ZNF827: variants seen among roughly 807,000 people sequenced by gnomAD.
ZNF827 encodes zinc finger protein 827.
A neutral mutation model predicts 102.4 loss-of-function variants in ZNF827; 13 were observed. The observed-to-expected ratio is 0.13, with a 90% CI of 0.08 to 0.20. The LOEUF is 0.20. Ranked by LOEUF, ZNF827 falls within the 10% of genes least tolerant of loss-of-function variation. The pLI is 1.00. For synonymous variants in ZNF827, 523 were observed against 536.2 expected (o/e 0.98, Z 0.34); for missense variants, 1,103 against 1,344.4 (o/e 0.82, Z 2.81).
At chr4:145,830,234 A>G (rs945731076) in intron 7 of ZNF827, among the ~76,000 whole-genome samples, 4 of 152,164 alleles carry the variant, frequency 2.6e-5, no homozygotes, top group African/African-American at 9.7e-5. Context: ...GAGCTTGCTA[A>G]TAATAACAGA....
intron 8 of ZNF827, among the ~76,000 whole-genome samples, chr4:145,792,927 G>GA (rs1005205831): frequency 6.6e-6 from 1 of 152,080 alleles, no homozygotes; most frequent in African/African-American, 2.4e-5. Flanking sequence ...CTCTTGCGTG[G>GA]AAATGCAATA....
intron 8 of ZNF827, among the ~76,000 whole-genome samples, chr4:145,815,306 G>A (rs1742492929): frequency 6.6e-6 from 1 of 152,210 alleles, no homozygotes; most frequent in Non-Finnish European, 1.5e-5. Flanking sequence ...TGCATTTCTA[G>A]TGAACATCTT....
intron 5 of ZNF827, among the ~76,000 whole-genome samples, chr4:145,852,052 G>C (rs1746586773): frequency 6.6e-6 from 1 of 152,196 alleles, no homozygotes; most frequent in South Asian, 2.1e-4. Flanking sequence ...AGTGGGGTCA[G>C]TGTCATAGGT....
Position 145,892,380 on chromosome 4 carries a change from G to C in ZNF827, c.1129C>G (p.Pro377Ala). Residue 377 changes from proline (P) to alanine (A), a missense_variant, in exon 3 of 15, where the codon CCA (proline) becomes GCA (alanine). This residue lies in a region of ZNF827 where 20 missense variants were observed against 60.6 expected (regional missense o/e 0.33). Coordinates refer to ENST00000508784, the MANE Select transcript of ZNF827 (RefSeq NM_001306215.2). ...EEESGKPFQC[P>A]ICGLVIKRKS... is the part of the protein sequence containing the mutation. ...CTTTTAATAACCAAACCACATATTG[G>C]ACACTGGAAAGGCTTTCCACTTTCC... 6.2e-7 allele frequency: 1 copy of C among 1,614,102 alleles called. No individual in the cohort carries two copies. The highest frequency in any genetic ancestry group is 1.7e-5 in the Admixed American group (1 of 60,014).
chr4:145,890,335 C>G (rs1452065120), intron 3 of ZNF827, among the ~76,000 whole-genome samples: 3 of 152,138 alleles, frequency 2.0e-5, no homozygotes, highest in Non-Finnish European at 4.4e-5. Context: ...CTTTATCGTA[C>G]TGGTTATTGA....
intron 7 of ZNF827, among the ~76,000 whole-genome samples, chr4:145,837,894 C>G (rs895312459): frequency 3.3e-5 from 5 of 152,268 alleles, no homozygotes; most frequent in East Asian, 3.9e-4. Flanking sequence ...TCAGCTTAAT[C>G]TCTCCCACTC....
At chr4:145,935,352 C>G (rs1329722423) in intron 1 of ZNF827, among the ~76,000 whole-genome samples, 1 of 152,204 alleles carries the variant, frequency 6.6e-6, no homozygotes, top group Non-Finnish European at 1.5e-5. Context: ...ATTACTACTT[C>G]ACACCACTTG....
At chr4:145,852,670 G>T (rs1234500248) in intron 5 of ZNF827, among the ~76,000 whole-genome samples, 1 of 152,070 alleles carries the variant, frequency 6.6e-6, no homozygotes, top group Non-Finnish European at 1.5e-5. Flanking sequence ...TGTTGTGGGG[G>T]ACTATATTGC....
chr4:145,860,797 C>A (rs997903192), intron 5 of ZNF827, among the ~76,000 whole-genome samples: 22 of 152,114 alleles, frequency 1.4e-4, no homozygotes, highest in Non-Finnish European at 2.6e-4. Flanking sequence ...TACCACAGGC[C>A]CTTACAGCTT....
intron 8 of ZNF827, among the ~76,000 whole-genome samples, chr4:145,780,158 T>G (rs1472282877): frequency 1.3e-5 from 2 of 151,640 alleles, no homozygotes; most frequent in Non-Finnish European, 2.9e-5. Flanking sequence ...GCCACTGCAC[T>G]CCAGCCTGGG....
chr4:145,818,556 G>A (rs1357515445), intron 8 of ZNF827, among the ~76,000 whole-genome samples: 4 of 151,968 alleles, frequency 2.6e-5, no homozygotes, highest in Admixed American at 2.6e-4. Flanking sequence ...AACATCCAAT[G>A]TTCTATTGTT....
At position 145,902,594 on chromosome 4, in the gene ZNF827, A is replaced by G. The variant is rs771763487; in HGVS notation, c.665T>C (p.Val222Ala). 7.4e-6 allele frequency: 12 copies of G among 1,613,874 alleles called. No individual in the cohort carries two copies. Among genetic ancestry groups the G allele is most frequent in the Non-Finnish European group, 3.4e-6 (4 of 1,179,912 alleles). The change falls in exon 2 of 15, where the codon GTT becomes GCT. Residue 222 changes from valine to alanine, a missense_variant. Physicochemically the swap from Val to Ala is moderately conservative, Grantham distance 64 (BLOSUM62 0). Transcript: ENST00000508784. The surrounding 1 kb of genome is among the most constrained non-coding windows in gnomAD (Gnocchi z 4.3). ...CCTGGTGAGAGATTTGTCCTGCAGAACGGCATTGGCTGCAGCTTTCAGTTT... is the reference window on the plus strand; with the variant it reads ...CCTGGTGAGAGATTTGTCCTGCAGAGCGGCATTGGCTGCAGCTTTCAGTTT... ...ILKLKAAANA[V>A]LQDKSLTRTE...
intron 7 of ZNF827, among the ~76,000 whole-genome samples, chr4:145,827,696 T>A (rs919423683): frequency 1.3e-5 from 2 of 152,240 alleles, no homozygotes; most frequent in African/African-American, 2.4e-5. Flanking sequence ...ATTAGCTTCA[T>A]GCTTCAGGAA....
chr4:145,823,666 T>A lies in ZNF827; in HGVS notation c.2280-141A>T, dbSNP rs551654925. 100 of 624,846 alleles carry A rather than the reference T, an allele frequency of 1.6e-4. No homozygotes were observed. The African/African-American group carries it at 1.7e-3, about 11-fold the overall frequency. 38.7% of individuals were successfully genotyped at this position (624,846 alleles called of 1,614,324 possible). ...CGGTGTTTAGTGAATATAAGAAGAT[T>A]GTGCTTAAAATGGAGAAAAAGAAAA... On this transcript the variant is annotated intron_variant, in intron 7 of 14. Transcript: ENST00000508784.
intron 7 of ZNF827, among the ~76,000 whole-genome samples, chr4:145,841,750 G>C (rs1289886884): frequency 6.6e-6 from 1 of 152,166 alleles, no homozygotes; most frequent in Non-Finnish European, 1.5e-5. Context: ...AAGGGTGGAG[G>C]GACAAGGTTA....
At chr4:145,827,349 A>G (rs1023500406) in intron 7 of ZNF827, among the ~76,000 whole-genome samples, 5 of 152,360 alleles carry the variant, frequency 3.3e-5, no homozygotes, top group African/African-American at 1.2e-4. Context: ...TCGTTTCAGT[A>G]TAAAGGTACT....
chr4:145,875,634 C>T (rs1366669783), intron 4 of ZNF827, among the ~76,000 whole-genome samples: 1 of 152,120 alleles, frequency 6.6e-6, no homozygotes, highest in Non-Finnish European at 1.5e-5. Flanking sequence ...TATTGGTTCC[C>T]TCTGGTGAAG....
chr4:145,919,073 T>C (rs377105531), intron 1 of ZNF827, among the ~76,000 whole-genome samples: 3 of 151,958 alleles, frequency 2.0e-5, no homozygotes, highest in Admixed American at 6.5e-5. Flanking sequence ...CTGGGCAACA[T>C]AGCAAGACTC....
At chr4:145,850,077 T>C (rs958459020) in intron 5 of ZNF827, among the ~76,000 whole-genome samples, 2 of 152,024 alleles carry the variant, frequency 1.3e-5, no homozygotes, top group Non-Finnish European at 2.9e-5. Context: ...TGGTGCGATG[T>C]GGGCTCACTG....
Sources: gnomAD v4.1 joint callset for allele counts (sites outside exome capture counted in the v4.1 genomes callset) on GRCh38, gnomAD v4.1.1 for gene constraint, gnomAD v4.1.1 regional missense constraint, Gnocchi (gnomAD v3.1) non-coding constraint, MANE v1.5 for transcripts, NCBI Gene and HGNC (gene_info 2026-07-23, HGNC 2026-07-21) for gene names.